The following TUSC2 variants were observed in gnomAD, a reference collection of about 807,000 sequenced individuals.
TUSC2 encodes the protein tumor suppressor 2, mitochondrial calcium regulator, also known as tumor suppressor candidate 2.
TUSC2 carries 7 observed loss-of-function variants against 11.5 expected under a neutral mutation model. That is an observed-to-expected ratio of 0.61 (90% CI 0.35 to 1.14). TUSC2 has a LOEUF of 1.14. Among genes scored for constraint, TUSC2 ranks in the 50% most tolerant of loss-of-function variants. TUSC2 has a pLI of 0.03. For synonymous variants in TUSC2, 61 were observed against 64.1 expected, an observed-to-expected ratio of 0.95 and a Z score of 0.23; for missense variants, 132 against 155.0, an observed-to-expected ratio of 0.85 and a Z score of 0.79.
intron 1 of TUSC2, 135 bp from the exon 2 acceptor site, chr3:50,326,612 C>T: frequency 7.3e-7 from 1 of 1,364,912 alleles, no homozygotes; most frequent in Non-Finnish European, 9.8e-7. Context: ...CCTGGAGAAT[C>T]CTTTTTTTAA....
chr3:50,326,837 C>T (rs1553717453), intron 1 of TUSC2, among the ~76,000 whole-genome samples: 3 of 152,070 alleles, frequency 2.0e-5, no homozygotes, highest in South Asian at 4.2e-4. Flanking sequence ...TGGCTGGTCT[C>T]GAACTCCTGA....
Position 50,328,155 on chromosome 3 carries a change from C to A in TUSC2, c.-56G>T. The A allele has an allele frequency of 7.5e-7, 1 of 1,337,632 alleles. No individual in the cohort carries two copies. 82.9% of individuals were successfully genotyped at this position (1,337,632 alleles called of 1,614,324 possible). On this transcript the variant is annotated 5_prime_UTR_variant, in exon 1 of 3. Transcript: ENST00000232496. Reference sequence around the variant, plus strand: ...TGGCCGCTCTGCTCACACCGCAGTCCGCACTACCATAACCTGCCCCAGCCG... The same window carrying A: ...TGGCCGCTCTGCTCACACCGCAGTCAGCACTACCATAACCTGCCCCAGCCG...
chr3:50,326,213 G>C, intron 2 of TUSC2, 27 bp from the exon 3 acceptor site: 1 of 1,605,746 alleles, frequency 6.2e-7, no homozygotes, highest in South Asian at 1.1e-5. Context: ...GGCTAGTAAG[G>C]GTCAGCTCAG....
At chr3:50,326,517 C>A (rs782294296) in intron 1 of TUSC2, 40 bp from the exon 2 acceptor site, 1 of 1,606,698 alleles carries the variant, frequency 6.2e-7, no homozygotes, top group South Asian at 1.1e-5. Flanking sequence ...GCTGGAGCCC[C>A]ACACCTGGGC....
Position 50,325,996 on chromosome 3 carries a change from T to TG in TUSC2, c.*124dup, listed in dbSNP as rs1702782432. 8.3e-7 allele frequency: 1 copy of TG among 1,206,570 alleles called. No homozygotes were observed. Among genetic ancestry groups the TG allele is most frequent in the Non-Finnish European group, 1.2e-6 (1 of 847,074 alleles). The allele number at this position is 1,206,570 out of a possible 1,614,324, so 74.7% of individuals were successfully genotyped here. Reference sequence around the variant, plus strand: ...CCGACCCGCTCACAGCTGAAGGTTATGGGCCAACAGAGTTTATTCAGGGTT... The same window carrying TG: ...CCGACCCGCTCACAGCTGAAGGTTATGGGGCCAACAGAGTTTATTCAGGGTT... On this transcript the variant is annotated 3_prime_UTR_variant, in exon 3 of 3. Transcript: ENST00000232496. This position sits in a 1 kb window ranked among gnomAD's most constrained non-coding sequence, Gnocchi z 5.1.
chr3:50,326,653 G>A (rs930289087), intron 1 of TUSC2, among the ~76,000 whole-genome samples, 176 bp from the exon 2 acceptor site: 14 of 152,108 alleles, frequency 9.2e-5, no homozygotes, highest in African/African-American at 3.1e-4. Flanking sequence ...ATCTCACTCT[G>A]TTGCCCAGGC....
In TUSC2 at chr3:50,327,993, C is replaced by A. The variant is rs1167203019; in HGVS notation, c.107G>T (p.Arg36Leu). The change falls in exon 1 of 3, where the codon CGG becomes CTG. Residue 36 changes from arginine to leucine, a missense_variant. By Grantham distance (102) the Arg-to-Leu change is moderately radical. Around this residue, in one of 3 missense-constraint regions of TUSC2, gnomAD observed 50 missense variants for 27.9 expected, o/e 1.79. Transcript: ENST00000232496. The stretch of plus-strand genomic sequence containing the variant: ...TACGAAGGGGGGCACAGCTCGGCCC[C>A]GAGGCCGCACCAAAGCTTGCTCAGC... ...AGAEQALVRP[R>L]GRAVPPFVFT... is the part of the protein sequence containing the mutation. 2 of 1,539,462 alleles carry A rather than the reference C, an allele frequency of 1.3e-6. No individual in the cohort carries two copies. The highest frequency in any genetic ancestry group is 1.7e-6 in the Non-Finnish European group (2 of 1,145,962).
intron 1 of TUSC2, among the ~76,000 whole-genome samples, chr3:50,327,533 G>A (rs587640517): frequency 1.3e-5 from 2 of 152,232 alleles, no homozygotes; most frequent in African/African-American, 2.4e-5. Flanking sequence ...CAGCCACTAC[G>A]CTCAAAGGTT....
intron 1 of TUSC2, among the ~76,000 whole-genome samples, chr3:50,326,717 A>G (rs1553717435): frequency 6.6e-6 from 1 of 152,148 alleles, no homozygotes; most frequent in Non-Finnish European, 1.5e-5. Context: ...TCCTGGGTTC[A>G]AGCAATTCTC....
At position 50,328,034 on chromosome 3, in the gene TUSC2, GCCGCCGCCTC is replaced by G; in HGVS notation, c.56_65del (p.Gly19AlafsTer58). 1 of 1,503,178 alleles carries G rather than the reference GCCGCCGCCTC, an allele frequency of 6.7e-7. No individual in the cohort carries two copies. The highest frequency in any genetic ancestry group is 8.9e-7 in the Non-Finnish European group (1 of 1,125,686). The allele number at this position is 1,503,178 out of a possible 1,614,324, so 93.1% of individuals were successfully genotyped here. ...CTTGCTCAGCTCCTGCTGCCTCTGAGCCGCCGCCTCCGGCCGCCGAGGCGAAGGGCCACAG... is the reference window on the plus strand; with the variant it reads ...CTTGCTCAGCTCCTGCTGCCTCTGAGCGGCCGCCGAGGCGAAGGGCCACAG... On this transcript the variant is annotated frameshift_variant, in exon 1 of 3. Transcript: ENST00000232496. LOFTEE classifies it high-confidence loss of function.
chr3:50,327,693 G>A (rs948352861), intron 1 of TUSC2, among the ~76,000 whole-genome samples: 1 of 150,490 alleles, frequency 6.6e-6, no homozygotes, highest in Non-Finnish European at 1.5e-5. Flanking sequence ...TCTTATGGAG[G>A]CCCTAGCTTA....
At chr3:50,327,156 G>C in intron 1 of TUSC2, 1 of 456,710 alleles carries the variant, frequency 2.2e-6, no homozygotes, top group South Asian at 1.5e-5. Flanking sequence ...TGGTGGCCTG[G>C]GCATGTTGGT....
rs781868239 is a variant in TUSC2, at chr3:50,326,458, C to T, written c.166G>A (p.Asp56Asn). 2.5e-6 allele frequency: 4 copies of T among 1,613,866 alleles called. No individual in the cohort carries two copies. The highest frequency in any genetic ancestry group is 3.4e-6 in the Non-Finnish European group (4 of 1,180,032). ...TRRGSMFYDEDGDLAHEFYEE... is the reference protein window; with the variant it reads ...TRRGSMFYDENGDLAHEFYEE... ...TAGAACTCGTGAGCCAGATCCCCATCCTCATCATAGAACATAGAGCTGTGT... is the reference window on the plus strand; with the variant it reads ...TAGAACTCGTGAGCCAGATCCCCATTCTCATCATAGAACATAGAGCTGTGT... Residue 56 changes from aspartate (D) to asparagine (N), a missense_variant, in exon 2 of 3, where the codon GAT becomes AAT. By Grantham distance (23) the Asp-to-Asn change is conservative. This residue lies in a region of TUSC2 where 65 missense variants were observed against 94.0 expected (regional missense o/e 0.69). Coordinates refer to ENST00000232496, the MANE Select transcript of TUSC2 (RefSeq NM_007275.3).
chr3:50,327,918 C>T, intron 1 of TUSC2, 36 bp downstream of exon 1: 1 of 1,407,818 alleles, frequency 7.1e-7, no homozygotes, highest in Non-Finnish European at 9.3e-7. Context: ...GGCCGCCCGC[C>T]TGTTCCCCCC....
intron 1 of TUSC2, among the ~76,000 whole-genome samples, chr3:50,327,465 G>A (rs1020028010): frequency 2.0e-5 from 3 of 152,096 alleles, no homozygotes; most frequent in African/African-American, 7.2e-5. Flanking sequence ...AACATAACTG[G>A]GTGAGGGTCT....
rs1430100381 is a variant in TUSC2 at position 50,328,101 on chromosome 3, T to G, written c.-2A>C. Reference sequence around the variant, plus strand: ...AGCTTTGGACCCGCTGGCGCCCATGTCAGGGCCGCCGGCGCATGGCGGGCC... The same window carrying G: ...AGCTTTGGACCCGCTGGCGCCCATGGCAGGGCCGCCGGCGCATGGCGGGCC... On this transcript the variant is annotated 5_prime_UTR_variant, in exon 1 of 3. The change abolishes the stop of an existing upstream ORF in the 5' untranslated region. Coordinates refer to ENST00000232496, the MANE Select transcript of TUSC2 (RefSeq NM_007275.3). 4.3e-6 allele frequency: 6 copies of G among 1,380,808 alleles called. No individual in the cohort carries two copies. The Admixed American group carries it at 1.7e-4, about 40-fold the overall frequency. The allele number at this position is 1,380,808 out of a possible 1,614,324, so 85.5% of individuals were successfully genotyped here. A position where few individuals can be genotyped will look rare whatever the true frequency, so the allele number is the denominator to read the frequency against.
In TUSC2 at chr3:50,325,971, C is replaced by A. The variant is rs587709376; in HGVS notation, c.*150G>T. ...CCAACACCCAACCAATACTGTGGGACCGACCCGCTCACAGCTGAAGGTTAT... is the reference window on the plus strand; with the variant it reads ...CCAACACCCAACCAATACTGTGGGAACGACCCGCTCACAGCTGAAGGTTAT... On this transcript the variant is annotated 3_prime_UTR_variant, in exon 3 of 3. Coordinates refer to ENST00000232496, the MANE Select transcript of TUSC2 (RefSeq NM_007275.3). This position sits in a 1 kb window ranked among gnomAD's most constrained non-coding sequence, Gnocchi z 5.1. 39 of 974,812 alleles carry A rather than the reference C, an allele frequency of 4.0e-5. No individual in the cohort carries two copies. In the East Asian group the frequency reaches 9.8e-4, roughly 24 times the overall value. 60.4% of individuals were successfully genotyped at this position (974,812 alleles called of 1,614,324 possible). A position where few individuals can be genotyped will look rare whatever the true frequency, so the allele number is the denominator to read the frequency against.
Position 50,327,962 on chromosome 3 carries a change from C to T in TUSC2, c.138G>A (p.Thr46=), listed in dbSNP as rs781873740. Residue 46 remains threonine, a synonymous_variant, in exon 1 of 3, where the codon ACG becomes ACA. Transcript: ENST00000232496. The part of the protein sequence containing the change: ...RGRAVPPFVF[T]RRGSMFYDED... ...GGAACCCATGCCCTTACCCGCGGCGCGTGAATACGAAGGGGGGCACAGCTC... is the reference window on the plus strand; with the variant it reads ...GGAACCCATGCCCTTACCCGCGGCGTGTGAATACGAAGGGGGGCACAGCTC... 4 of 1,538,950 alleles carry T rather than the reference C, an allele frequency of 2.6e-6. No individual in the cohort carries two copies. The highest frequency in any genetic ancestry group is 5.2e-5 in the East Asian group (2 of 38,496).
chr3:50,328,069 G>A lies in TUSC2; in HGVS notation c.31C>T (p.Leu11=), dbSNP rs1702814614. MGASGSKARG[L]WPFASAAGGG... ...CCGGCCGCCGAGGCGAAGGGCCACAGGCCCCGAGCTTTGGACCCGCTGGCG... is the reference window on the plus strand; with the variant it reads ...CCGGCCGCCGAGGCGAAGGGCCACAAGCCCCGAGCTTTGGACCCGCTGGCG... Residue 11 remains leucine (L), a synonymous_variant, in exon 1 of 3, where the codon CTG becomes TTG. Coordinates refer to ENST00000232496, the MANE Select transcript of TUSC2 (RefSeq NM_007275.3). 1 of 1,461,900 alleles carries A rather than the reference G, an allele frequency of 6.8e-7. No homozygotes were observed. Among genetic ancestry groups the A allele is most frequent in the Non-Finnish European group, 9.0e-7 (1 of 1,108,822 alleles). The allele number at this position is 1,461,900 out of a possible 1,614,324, so 90.6% of individuals were successfully genotyped here. A position where few individuals can be genotyped will look rare whatever the true frequency, so the allele number is the denominator to read the frequency against.
Sources: gnomAD v4.1 joint callset for allele counts (sites outside exome capture counted in the v4.1 genomes callset) on GRCh38, gnomAD v4.1.1 for gene constraint, gnomAD v4.1.1 regional missense constraint, Gnocchi (gnomAD v3.1) non-coding constraint, MANE v1.5 for transcripts, NCBI Gene and HGNC (gene_info 2026-07-23, HGNC 2026-07-21) for gene names.